The following GLI2 variants were observed in gnomAD, a reference collection of about 807,000 sequenced individuals.
The protein encoded by GLI2 is transcription activator GLI2.
A neutral mutation model predicts 78.9 loss-of-function variants in GLI2; 22 were observed. The ratio of observed to expected loss-of-function variants is 0.28; its 90% CI spans 0.20 to 0.40. The LOEUF (loss-of-function observed/expected upper bound fraction) is 0.40. GLI2 is among the 10% of genes least tolerant of loss of function. GLI2 has a pLI of 1.00. For synonymous variants in GLI2, 974 were observed against 963.7 expected, an observed-to-expected ratio of 1.01 and a Z score of -0.20; for missense variants, 2,097 against 2,213.2, an observed-to-expected ratio of 0.95 and a Z score of 1.05.
Position 120,988,397 on chromosome 2 carries a change from C to T in GLI2, c.2432C>T (p.Pro811Leu), listed in dbSNP as rs1192465801. The change falls in exon 14 of 14, where the codon CCC becomes CTC. Residue 811 changes from proline (P) to leucine (L), a missense_variant. Physicochemically the swap from Pro to Leu is moderately conservative, Grantham distance 98. Around this residue, in one of 5 missense-constraint regions of GLI2, gnomAD observed 1,290 missense variants for 1,261.7 expected, o/e 1.02. Transcript: ENST00000361492. ...TVSRRSSGIS[P>L]YFSSRRSSEA... ...AGCCGCCGCTCCTCCGGCATCTCCC[C>T]CTACTTCTCCAGCCGCCGCTCCAGC... The T allele has an allele frequency of 3.8e-6, 6 of 1,573,732 alleles. No individual in the cohort carries two copies. Among genetic ancestry groups the T allele is most frequent in the Admixed American group, 1.7e-5 (1 of 57,620 alleles).
intron 1 of GLI2, among the ~76,000 whole-genome samples, chr2:120,745,420 A>T (rs1473496408): frequency 1.3e-5 from 2 of 152,214 alleles, no homozygotes; most frequent in African/African-American, 4.8e-5. Flanking sequence ...AAAAGTAGGA[A>T]GGAGACAGAT....
At chr2:120,846,522 C>T (rs1025968821) in intron 2 of GLI2, among the ~76,000 whole-genome samples, 1 of 152,202 alleles carries the variant, frequency 6.6e-6, no homozygotes, top group Non-Finnish European at 1.5e-5. Flanking sequence ...ACCTGTTCTG[C>T]AGGGGTCCTG....
At position 120,820,286 on chromosome 2, in the gene GLI2, C is replaced by CTTGA. The variant is rs1353589252; in HGVS notation, c.148+22818_148+22819insTTGA. ...GCCATCCCAGGCTTTGCTTTCTTGC[C>CTTGA]GAGTCTAAACTCTCAGCTGTCGCCC... On this transcript the variant is annotated intron_variant, in intron 2 of 13. Transcript: ENST00000361492. Among the ~76,000 whole-genome samples the CTTGA allele has an allele frequency of 1.1e-4, 16 of 152,310 alleles. No homozygotes were observed. In the South Asian group the frequency reaches 1.7e-3, roughly 16 times the overall value.
chr2:120,964,030 G>A (rs1384272078), intron 5 of GLI2, among the ~76,000 whole-genome samples: 3 of 152,196 alleles, frequency 2.0e-5, no homozygotes, highest in African/African-American at 7.2e-5. Context: ...GAGTGTTGGG[G>A]ATGGTCAGGT....
chr2:120,785,846 G>C (rs1253750710), intron 1 of GLI2, among the ~76,000 whole-genome samples: 1 of 152,244 alleles, frequency 6.6e-6, no homozygotes, highest in African/African-American at 2.4e-5. Context: ...GTCTGGGCTG[G>C]GATAGCGATG....
chr2:120,895,860 G>A (rs1292677145), intron 2 of GLI2, among the ~76,000 whole-genome samples: 1 of 152,192 alleles, frequency 6.6e-6, no homozygotes, highest in Non-Finnish European at 1.5e-5. Flanking sequence ...AAAAGGAAAG[G>A]TTTGAGCCCA....
At chr2:120,986,792 G>T (rs1239524283) in intron 13 of GLI2, among the ~76,000 whole-genome samples, 178 bp downstream of exon 13, 2 of 152,174 alleles carry the variant, frequency 1.3e-5, no homozygotes, top group East Asian at 3.9e-4. Flanking sequence ...CAAATCAATG[G>T]CAGGGGTGAG....
intron 2 of GLI2, among the ~76,000 whole-genome samples, chr2:120,861,990 C>A (rs997464362): frequency 1.3e-5 from 2 of 152,200 alleles, no homozygotes; most frequent in African/African-American, 4.8e-5. Context: ...TGAACCACCC[C>A]AGATGGGGAG....
rs758156846 is a variant in GLI2, at chr2:120,988,281, G to A, written c.2316G>A (p.Ser772=). 31 of 1,566,844 alleles carry A rather than the reference G, an allele frequency of 2.0e-5. No individual in the cohort carries two copies. Among genetic ancestry groups the A allele is most frequent in the Admixed American group, 1.8e-5 (1 of 56,026 alleles). ...GGCTGCTGCCGAACCCGCGGCTGTC[G>A]GAGCTGTCCGCGAGCGAGGTGACCA... The part of the protein sequence containing the change: ...PAGLLPNPRL[S]ELSASEVTML... The change falls in exon 14 of 14, where the codon TCG becomes TCA. Residue 772 remains serine, a synonymous_variant. Coordinates refer to ENST00000361492, the MANE Select transcript of GLI2 (RefSeq NM_001374353.1).
At position 120,735,869 on chromosome 2, in the gene GLI2, C is replaced by T. The variant is rs137992430; in HGVS notation, c.-447C>T. 0.056 allele frequency among the ~76,000 whole-genome samples: 8,503 copies of T among 151,942 alleles called. 380 individuals are homozygous for T. The highest frequency in any genetic ancestry group is 0.11 in the Admixed American group (1,671 of 15,274). Reference sequence around the variant, plus strand: ...GGGGGCGCTGCGCAGTCCGGCGGCGCTGATGGATTGCAGAAGTGCCGGCGC... The same window carrying T: ...GGGGGCGCTGCGCAGTCCGGCGGCGTTGATGGATTGCAGAAGTGCCGGCGC... On this transcript the variant is annotated 5_prime_UTR_variant, in exon 1 of 14. Coordinates refer to ENST00000361492, the MANE Select transcript of GLI2 (RefSeq NM_001374353.1).
intron 2 of GLI2, among the ~76,000 whole-genome samples, chr2:120,818,228 G>C (rs1685595362): frequency 6.6e-6 from 1 of 152,196 alleles, no homozygotes. Context: ...AAGCCTGCAG[G>C]GCAGGGGTGT....
In GLI2 at chr2:120,949,738, CA is replaced by C. The variant is rs375464720; in HGVS notation, c.255-1502del. On this transcript the variant is annotated intron_variant, in intron 3 of 13. Coordinates refer to ENST00000361492, the MANE Select transcript of GLI2 (RefSeq NM_001374353.1). Reference sequence around the variant, plus strand: ...GTCACGTCTGCTGAAGCTAGACAACCAAACTGCGGAAGACTCCCTCCAGGCC... The same window carrying C: ...GTCACGTCTGCTGAAGCTAGACAACCAACTGCGGAAGACTCCCTCCAGGCC... Among the ~76,000 whole-genome samples, 41 of 152,362 alleles carry C rather than the reference CA, an allele frequency of 2.7e-4. 1 individual carries two copies. The East Asian group carries it at 4.8e-3, about 18-fold the overall frequency.
At chr2:120,807,074 A>G (rs769198348) in intron 2 of GLI2, among the ~76,000 whole-genome samples, 6 of 152,154 alleles carry the variant, frequency 3.9e-5, no homozygotes, top group Non-Finnish European at 8.8e-5. Flanking sequence ...TCCCACAGAA[A>G]GCCACTGTGC....
At chr2:120,788,907 C>T (rs958894255) in intron 1 of GLI2, among the ~76,000 whole-genome samples, 2 of 152,124 alleles carry the variant, frequency 1.3e-5, no homozygotes, top group African/African-American at 2.4e-5. Context: ...GCTGCAGAAG[C>T]GTGTCAGACA....
chr2:120,833,398 T>C (rs1686460743), intron 2 of GLI2, among the ~76,000 whole-genome samples: 2 of 152,110 alleles, frequency 1.3e-5, no homozygotes, highest in African/African-American at 4.8e-5. Flanking sequence ...ATGGGATCTA[T>C]ACCAAGTTCT....
At chr2:120,919,960 T>G (rs1361214915) in intron 2 of GLI2, among the ~76,000 whole-genome samples, 1 of 152,260 alleles carries the variant, frequency 6.6e-6, no homozygotes, top group Non-Finnish European at 1.5e-5. Context: ...AACACAGACC[T>G]GTATGGTGCA....
chr2:120,978,046 G>A (rs1371854623), intron 9 of GLI2, among the ~76,000 whole-genome samples: 1 of 152,206 alleles, frequency 6.6e-6, no homozygotes. Flanking sequence ...TGCAGCCTGG[G>A]AGCGTCATCA....
intron 2 of GLI2, among the ~76,000 whole-genome samples, chr2:120,811,943 G>A (rs1195065628): frequency 3.3e-5 from 5 of 151,982 alleles, no homozygotes; most frequent in African/African-American, 7.3e-5. Context: ...TGGCAGCAGC[G>A]AACACACAGG....
At chr2:120,981,834 C>T (rs1682730327) in intron 10 of GLI2, among the ~76,000 whole-genome samples, 1 of 152,180 alleles carries the variant, frequency 6.6e-6, no homozygotes, top group Admixed American at 6.5e-5. Flanking sequence ...CTCTCCCTTG[C>T]TCCCTCCTTT....
Sources: allele counts gnomAD v4.1 joint callset (sites outside exome capture counted in the v4.1 genomes callset), GRCh38; gene constraint gnomAD v4.1.1; regional missense constraint gnomAD v4.1.1; transcripts MANE v1.5; gene names NCBI Gene and HGNC (gene_info 2026-07-23, HGNC 2026-07-21).